Variants in PPP6R2 observed in about 807,000 individuals in gnomAD.
The protein encoded by PPP6R2 is protein phosphatase 6 regulatory subunit 2, also known as serine/threonine-protein phosphatase 6 regulatory subunit 2.
In PPP6R2, 62 loss-of-function variants were observed where a neutral mutation model predicts 100.2. That is an observed-to-expected ratio of 0.62 (90% CI 0.50 to 0.76). The LOEUF (loss-of-function observed/expected upper bound fraction) is 0.76, where lower values mean the gene tolerates loss of function less well. PPP6R2 is among the 30% of genes least tolerant of loss of function. PPP6R2 has a pLI of 0.00. For synonymous variants in PPP6R2, 525 were observed against 514.7 expected, an observed-to-expected ratio of 1.02 and a Z score of -0.27; for missense variants, 1,142 against 1,276.3, an observed-to-expected ratio of 0.89 and a Z score of 1.60.
Position 50,414,331 on chromosome 22 carries a change from G to GCCCCCCCCCCCCCCC in PPP6R2, c.415-216_415-202dup, listed in dbSNP as rs57634612. On this transcript the variant is annotated intron_variant, in intron 4 of 23. Coordinates refer to ENST00000612753, the MANE Select transcript of PPP6R2 (RefSeq NM_001242898.2). Reference sequence around the variant, plus strand: ...GAGCCACAGGGGTCCCTGTGCAGTGGCCCCCCCCCCCCCCCCCCCGCCCAG... The same window carrying GCCCCCCCCCCCCCCC: ...GAGCCACAGGGGTCCCTGTGCAGTGGCCCCCCCCCCCCCCCCCCCCCCCCCCCCCCCCCCGCCCAG... 1.2e-3 allele frequency among the ~76,000 whole-genome samples: 31 copies of GCCCCCCCCCCCCCCC among 26,796 alleles called. 2 individuals are homozygous for GCCCCCCCCCCCCCCC. The highest frequency in any genetic ancestry group is 2.1e-3 in the Non-Finnish European group (19 of 9,026). 17.6% of individuals were successfully genotyped at this position (26,796 alleles called of 152,430 possible).
At chr22:50,363,321 G>T (rs1018070648) in intron 1 of PPP6R2, among the ~76,000 whole-genome samples, 2 of 152,212 alleles carry the variant, frequency 1.3e-5, no homozygotes, top group Non-Finnish European at 2.9e-5. Context: ...TGTGCTTTAG[G>T]ATGTGGCAGG....
intron 1 of PPP6R2, among the ~76,000 whole-genome samples, chr22:50,349,830 CAG>C (rs1472863525): frequency 5.4e-5 from 5 of 93,130 alleles, no homozygotes; most frequent in Non-Finnish European, 9.3e-5. Context: ...AAAAAAAAAA[CAG>C]AAAAAAGCAG....
chr22:50,443,744 A>G, intron 22 of PPP6R2, 122 bp from the exon 23 acceptor site: 1 of 1,359,220 alleles, frequency 7.4e-7, no homozygotes, highest in Non-Finnish European at 9.9e-7. Flanking sequence ...CAGGAGTGAG[A>G]GGGGCCAAAG....
At chr22:50,362,632 C>G (rs1235746792) in intron 1 of PPP6R2, among the ~76,000 whole-genome samples, 3 of 152,062 alleles carry the variant, frequency 2.0e-5, no homozygotes, top group Admixed American at 2.0e-4. Context: ...ATCCTAAGTT[C>G]CATTTAGTGG....
At chr22:50,341,706 G>A (rs1569221518), upstream of PPP6R2, among the ~76,000 whole-genome samples, 1 of 152,102 alleles carries the variant, frequency 6.6e-6, no homozygotes, top group African/African-American at 2.4e-5. Context: ...GAGAGGAGGA[G>A]AGGGCTGGCC....
At chr22:50,387,417 C>A (rs925953038) in intron 2 of PPP6R2, among the ~76,000 whole-genome samples, 2 of 152,120 alleles carry the variant, frequency 1.3e-5, no homozygotes, top group South Asian at 2.1e-4. Flanking sequence ...CACTCCACCC[C>A]CTTTTTAAAG....
chr22:50,386,490 T>A (rs2054286264), intron 2 of PPP6R2, among the ~76,000 whole-genome samples: 1 of 152,102 alleles, frequency 6.6e-6, no homozygotes, highest in African/African-American at 2.4e-5. Flanking sequence ...AGCCATAGAC[T>A]CAGGGAAGTA....
chr22:50,424,934 C>T (rs1410254830), intron 10 of PPP6R2, among the ~76,000 whole-genome samples: 1 of 152,204 alleles, frequency 6.6e-6, no homozygotes, highest in African/African-American at 2.4e-5. Context: ...GCCACTGCAC[C>T]CAGCCCCTTT....
At chr22:50,405,580 T>G (rs1603259230) in intron 3 of PPP6R2, among the ~76,000 whole-genome samples, 1 of 60,330 alleles carries the variant, frequency 1.7e-5, no homozygotes, top group African/African-American at 6.9e-5. Context: ...CAGGCGAGTG[T>G]GAAGGCCTGG....
At chr22:50,422,221 T>C (rs1211064656) in intron 8 of PPP6R2, 33 bp from the exon 9 acceptor site, 6 of 1,604,940 alleles carry the variant, frequency 3.7e-6, no homozygotes, top group Non-Finnish European at 5.1e-6. Flanking sequence ...GGTCCTGGTG[T>C]CCCCGGTCTC....
At chr22:50,340,513 GTGGTGTGTGT>G (rs746060494), upstream of PPP6R2, among the ~76,000 whole-genome samples, 32 of 144,208 alleles carry the variant, frequency 2.2e-4, no homozygotes, top group African/African-American at 7.9e-4. Flanking sequence ...TGGTGTGTGT[GTGGTGTGTGT>G]GGGGGGTATG....
intron 8 of PPP6R2, among the ~76,000 whole-genome samples, chr22:50,421,387 C>G (rs770334235): frequency 6.6e-6 from 1 of 152,152 alleles, no homozygotes; most frequent in Admixed American, 6.6e-5. Context: ...CTGTCACCCA[C>G]GTGGGAGTAC....
chr22:50,400,274 T>G (rs2057804465), intron 3 of PPP6R2, among the ~76,000 whole-genome samples: 1 of 152,236 alleles, frequency 6.6e-6, no homozygotes, highest in South Asian at 2.1e-4. Flanking sequence ...CCACATCCAT[T>G]GTCCATCTCC....
intron 22 of PPP6R2, 167 bp downstream of exon 22, chr22:50,441,193 G>A (rs1362467821): frequency 1.5e-5 from 10 of 646,400 alleles, no homozygotes; most frequent in African/African-American, 3.7e-5. Flanking sequence ...CTGAGGCGGC[G>A]GTGGTGCCCA....
intron 6 of PPP6R2, among the ~76,000 whole-genome samples, chr22:50,417,335 G>A (rs1202985683): frequency 6.6e-6 from 1 of 152,108 alleles, no homozygotes; most frequent in East Asian, 1.9e-4. Flanking sequence ...CTGGGTGGCT[G>A]GGTCCAGCCC....
In PPP6R2 at chr22:50,414,709, C is replaced by A. The variant is rs748142899; in HGVS notation, c.552+20C>A. On this transcript the variant is annotated intron_variant, in intron 5 of 23. Coordinates refer to ENST00000612753, the MANE Select transcript of PPP6R2 (RefSeq NM_001242898.2). ...CTGCACGTGAGTGCGGGAGTCCCCCCCCGTTCCCGAGGGCAGGGGTGCTGC... is the reference window on the plus strand; with the variant it reads ...CTGCACGTGAGTGCGGGAGTCCCCCACCGTTCCCGAGGGCAGGGGTGCTGC... 9.3e-6 allele frequency: 15 copies of A among 1,607,362 alleles called. No individual in the cohort carries two copies. The highest frequency in any genetic ancestry group is 3.4e-5 in the Admixed American group (2 of 59,604).
At chr22:50,365,189 A>G (rs561599053) in intron 1 of PPP6R2, among the ~76,000 whole-genome samples, 1 of 150,646 alleles carries the variant, frequency 6.6e-6, no homozygotes, top group African/African-American at 2.4e-5. Context: ...CTCCTGCCTC[A>G]GCGTCCCAAG....
Position 50,435,293 on chromosome 22 carries a change from T to G in PPP6R2, c.1516+212T>G, listed in dbSNP as rs1321514391. Among the ~76,000 whole-genome samples the G allele has an allele frequency of 2.0e-5, 3 of 152,204 alleles. No individual in the cohort carries two copies. In the East Asian group the frequency reaches 5.8e-4, roughly 29 times the overall value. Reference sequence around the variant, plus strand: ...GTCAGTTCTATTGGGCGGACTTCTGTGGAGACCCTGCCAGGCGTCAGCGTG... The same window carrying G: ...GTCAGTTCTATTGGGCGGACTTCTGGGGAGACCCTGCCAGGCGTCAGCGTG... On this transcript the variant is annotated intron_variant, in intron 13 of 23. Coordinates refer to ENST00000612753, the MANE Select transcript of PPP6R2 (RefSeq NM_001242898.2).
chr22:50,405,586 C>T (rs111167000), intron 3 of PPP6R2, among the ~76,000 whole-genome samples: 380 of 89,762 alleles, frequency 4.2e-3, no homozygotes, highest in African/African-American at 0.017. Flanking sequence ...AGTGTGAAGG[C>T]CTGGAGAGAG....
Sources: gnomAD v4.1 joint callset for allele counts (sites outside exome capture counted in the v4.1 genomes callset) on GRCh38, gnomAD v4.1.1 for gene constraint, MANE v1.5 for transcripts, NCBI Gene and HGNC (gene_info 2026-07-23, HGNC 2026-07-21) for gene names.